ARMC8: variants seen among roughly 807,000 people sequenced by gnomAD.
ARMC8 encodes the protein armadillo repeat containing 8.
ARMC8 carries 20 observed loss-of-function variants against 99.3 expected under a neutral mutation model. The ratio of observed to expected loss-of-function variants is 0.20; its 90% CI spans 0.14 to 0.29. The LOEUF is 0.29. Among genes scored for constraint, ARMC8 ranks in the 10% least tolerant of loss-of-function variants. The pLI, the probability that ARMC8 is intolerant of heterozygous loss-of-function variation, is 1.00. For missense variants in ARMC8, 569 were observed against 809.5 expected (o/e 0.70, Z 3.60); for synonymous variants, 263 against 278.3 (o/e 0.95, Z 0.55).
intron 6 of ARMC8, among the ~76,000 whole-genome samples, chr3:138,232,159 A>G (rs2046080615): frequency 1.3e-5 from 2 of 151,090 alleles, no homozygotes; most frequent in Non-Finnish European, 3.0e-5. Flanking sequence ...TTTTTTAAGT[A>G]GAGATGGGGT....
At chr3:138,232,340 A>G (rs2108128984) in intron 6 of ARMC8, among the ~76,000 whole-genome samples, 1 of 152,276 alleles carries the variant, frequency 6.6e-6, no homozygotes, top group South Asian at 2.1e-4. Context: ...TTCTTTTGTA[A>G]CAAGTATTTG....
chr3:138,191,047 A>T (rs1042705654), intron 1 of ARMC8, among the ~76,000 whole-genome samples: 2 of 152,250 alleles, frequency 1.3e-5, no homozygotes, highest in African/African-American at 4.8e-5. Context: ...AACTAGAAAA[A>T]GTGACAGAAG....
chr3:138,246,539 A>T, intron 12 of ARMC8: 8 of 985,642 alleles, frequency 8.1e-6, no homozygotes, highest in Non-Finnish European at 9.6e-6. Flanking sequence ...ATACACAATT[A>T]TTTGGTTTAG....
chr3:138,252,755 C>T lies in ARMC8; in HGVS notation c.1134+7572C>T, dbSNP rs1473666964. 1.9e-4 allele frequency among the ~76,000 whole-genome samples: 8 copies of T among 42,206 alleles called. 1 individual carries two copies. The highest frequency in any genetic ancestry group is 1.4e-3 in the Admixed American group (8 of 5,912). The allele number at this position is 42,206 out of a possible 152,430, so 27.7% of individuals were successfully genotyped here. A position where few individuals can be genotyped will look rare whatever the true frequency, so the allele number is the denominator to read the frequency against. The stretch of plus-strand genomic sequence containing the variant: ...AGGCGTGAGCCACCCCGCCCCCCCC[C>T]CCCCCCCACCCGGCCTAAATAGAAA... On this transcript the variant is annotated intron_variant, in intron 12 of 21. Transcript: ENST00000469044.
chr3:138,200,581 A>G (rs186300532), intron 1 of ARMC8, among the ~76,000 whole-genome samples: 2 of 152,204 alleles, frequency 1.3e-5, no homozygotes, highest in Admixed American at 6.5e-5. Flanking sequence ...TGCCCACTAG[A>G]TATCAGTAGC....
chr3:138,252,583 A>G (rs897970458), intron 12 of ARMC8, among the ~76,000 whole-genome samples: 1 of 150,938 alleles, frequency 6.6e-6, no homozygotes, highest in African/African-American at 2.4e-5. Context: ...CCTCCCAAGT[A>G]GCTGAGATTA....
chr3:138,189,478 A>G (rs901250477), intron 1 of ARMC8, among the ~76,000 whole-genome samples: 1 of 152,190 alleles, frequency 6.6e-6, no homozygotes, highest in Non-Finnish European at 1.5e-5. Flanking sequence ...TGAAATGCAA[A>G]CTAGAACAGG....
At chr3:138,213,811 A>G (rs932463525) in intron 2 of ARMC8, among the ~76,000 whole-genome samples, 2 of 152,196 alleles carry the variant, frequency 1.3e-5, no homozygotes, top group Non-Finnish European at 2.9e-5. Context: ...TGTTTTCTTA[A>G]CATAACAAAA....
In ARMC8 at chr3:138,274,235, G is replaced by GTGTA. The variant is rs751110326; in HGVS notation, c.1630-211_1630-210insATGT. Among the ~76,000 whole-genome samples the GTGTA allele has an allele frequency of 1.0e-3, 120 of 118,570 alleles. 1 individual carries two copies. The highest frequency in any genetic ancestry group is 5.2e-3 in the African/African-American group (110 of 21,274). The allele number at this position is 118,570 out of a possible 152,430, so 77.8% of individuals were successfully genotyped here. Reference sequence around the variant, plus strand: ...ATGTATGTGTAATGTGTATATACATGTGTGTGTGTGTGTGTGTGTGTGTGT... The same window carrying GTGTA: ...ATGTATGTGTAATGTGTATATACATGTGTATGTGTGTGTGTGTGTGTGTGTGTGT... On this transcript the variant is annotated intron_variant, in intron 17 of 21. Coordinates refer to ENST00000469044, the MANE Select transcript of ARMC8 (RefSeq NM_001363941.2).
chr3:138,217,984 A>G (rs553948859), intron 2 of ARMC8, among the ~76,000 whole-genome samples: 1 of 152,280 alleles, frequency 6.6e-6, no homozygotes, highest in South Asian at 2.1e-4. Context: ...CTGCTCCACT[A>G]ATCAGTTTTG....
chr3:138,188,080 A>G (rs2043174107), intron 1 of ARMC8: 1 of 230,410 alleles, frequency 4.3e-6, no homozygotes, highest in Non-Finnish European at 8.7e-6. Flanking sequence ...TGCCAGGCCA[A>G]GTCTGTGCGG....
At chr3:138,225,299 CG>C (rs1450908525) in intron 5 of ARMC8, among the ~76,000 whole-genome samples, 1 of 151,970 alleles carries the variant, frequency 6.6e-6, no homozygotes, top group Admixed American at 6.6e-5. Context: ...TTAGTAGAGA[CG>C]GGGTTTCACC....
At chr3:138,194,641 A>AT (rs1224850674) in intron 1 of ARMC8, among the ~76,000 whole-genome samples, 13 of 150,968 alleles carry the variant, frequency 8.6e-5, no homozygotes, top group Non-Finnish European at 1.9e-4. Context: ...CCCAGCTGTC[A>AT]TTATTTTTTT....
chr3:138,262,616 T>G lies in ARMC8; in HGVS notation c.1135-1123T>G, dbSNP rs1246622184. The G allele has an allele frequency of 3.3e-6, 5 of 1,522,972 alleles. No individual in the cohort carries two copies. In the Admixed American group the frequency reaches 9.4e-5, roughly 29 times the overall value. The allele number at this position is 1,522,972 out of a possible 1,614,324, so 94.3% of individuals were successfully genotyped here. On this transcript the variant is annotated intron_variant, in intron 12 of 21. Transcript: ENST00000469044. ...GGAGATTAAAAAAAAAAAAAAAATT[T>G]AGGTGCCTAGCCCTGACCCTGGAGA...
chr3:138,232,066 G>A (rs2046073370), intron 6 of ARMC8, among the ~76,000 whole-genome samples: 1 of 147,326 alleles, frequency 6.8e-6, no homozygotes, highest in South Asian at 2.1e-4. Context: ...CATCTCCTGG[G>A]TCCAAACGAT....
At chr3:138,240,324 A>C (rs1194962472) in intron 10 of ARMC8, among the ~76,000 whole-genome samples, 1 of 152,256 alleles carries the variant, frequency 6.6e-6, no homozygotes. Context: ...AAAAGAGCAC[A>C]AAGAAGACTA....
At chr3:138,234,965 G>A in intron 6 of ARMC8, 69 bp from the exon 7 acceptor site, 2 of 1,276,588 alleles carry the variant, frequency 1.6e-6, no homozygotes, top group Non-Finnish European at 2.3e-6. Context: ...CTACATTTAA[G>A]TAAATGTGGT....
intron 11 of ARMC8, among the ~76,000 whole-genome samples, chr3:138,244,110 T>C (rs1371107461): frequency 6.6e-6 from 1 of 152,166 alleles, no homozygotes; most frequent in Non-Finnish European, 1.5e-5. Context: ...AAAGATACCA[T>C]TAATTGCTTC....
intron 2 of ARMC8, among the ~76,000 whole-genome samples, chr3:138,216,905 A>G (rs1016076196): frequency 6.6e-6 from 1 of 152,224 alleles, no homozygotes; most frequent in Non-Finnish European, 1.5e-5. Flanking sequence ...GCTCTACACA[A>G]TGATGTTTCA....
Sources: gnomAD v4.1 joint callset for allele counts (sites outside exome capture counted in the v4.1 genomes callset) on GRCh38, gnomAD v4.1.1 for gene constraint, MANE v1.5 for transcripts, NCBI Gene and HGNC (gene_info 2026-07-23, HGNC 2026-07-21) for gene names.